The following SPOCK1 variants were observed in gnomAD, a reference collection of about 807,000 sequenced individuals.
SPOCK1 encodes SPARC (osteonectin), cwcv and kazal like domains proteoglycan 1, also known as testican-1.
SPOCK1 carries 23 observed loss-of-function variants against 55.3 expected under a neutral mutation model. The observed-to-expected ratio is 0.42, with a 90% CI of 0.30 to 0.59. The LOEUF (loss-of-function observed/expected upper bound fraction) is 0.59, where lower values mean the gene tolerates loss of function less well. SPOCK1 is among the 20% of genes least tolerant of loss of function. The pLI, the probability that SPOCK1 is intolerant of heterozygous loss-of-function variation, is 0.22. For missense variants in SPOCK1, 499 were observed against 552.5 expected, an observed-to-expected ratio of 0.90 and a Z score of 0.97; for synonymous variants, 226 against 221.0, an observed-to-expected ratio of 1.02 and a Z score of -0.20.
At chr5:137,209,354 C>T (rs1240881957) in intron 3 of SPOCK1, among the ~76,000 whole-genome samples, 4 of 152,184 alleles carry the variant, frequency 2.6e-5, no homozygotes, top group Non-Finnish European at 5.9e-5. Context: ...GAGCCAGCAT[C>T]GCATGACCTG....
chr5:136,997,638 G>A (rs149295947), intron 6 of SPOCK1, among the ~76,000 whole-genome samples: 17 of 152,222 alleles, frequency 1.1e-4, no homozygotes, highest in African/African-American at 2.9e-4. Context: ...CTGCCCCTCC[G>A]ACATGCTCTT....
chr5:137,094,363 T>C (rs1386856817), intron 5 of SPOCK1, among the ~76,000 whole-genome samples: 2 of 152,204 alleles, frequency 1.3e-5, no homozygotes, highest in Non-Finnish European at 2.9e-5. Context: ...TAGTACTTCA[T>C]AAAATTCAAG....
At chr5:137,157,477 T>C (rs904665024) in intron 3 of SPOCK1, among the ~76,000 whole-genome samples, 1 of 152,216 alleles carries the variant, frequency 6.6e-6, no homozygotes. Flanking sequence ...CTTTCAGTCT[T>C]AAGTGTGCCG....
intron 3 of SPOCK1, among the ~76,000 whole-genome samples, chr5:137,189,939 T>C (rs1755146709): frequency 6.6e-6 from 1 of 150,672 alleles, no homozygotes; most frequent in African/African-American, 2.4e-5. Flanking sequence ...GACTTCATAA[T>C]AGGAAGTAAC....
intron 3 of SPOCK1, among the ~76,000 whole-genome samples, chr5:137,240,841 G>A (rs1204068714): frequency 6.6e-6 from 1 of 152,164 alleles, no homozygotes; most frequent in Non-Finnish European, 1.5e-5. Flanking sequence ...AAAATAGTGT[G>A]GGACTGGTAC....
At chr5:137,261,115 TA>T (rs573974632) in intron 3 of SPOCK1, among the ~76,000 whole-genome samples, 1 of 152,084 alleles carries the variant, frequency 6.6e-6, no homozygotes, top group Non-Finnish European at 1.5e-5. Context: ...AACAAATTCT[TA>T]AAAAAACTGA....
At chr5:137,383,037 G>A (rs138858571) in intron 2 of SPOCK1, among the ~76,000 whole-genome samples, 9 of 152,208 alleles carry the variant, frequency 5.9e-5, no homozygotes, top group East Asian at 3.9e-4. Context: ...TCTGTACCTC[G>A]TGCCTCAGAA....
chr5:137,306,719 T>G (rs1457619592), intron 2 of SPOCK1, among the ~76,000 whole-genome samples: 4 of 151,976 alleles, frequency 2.6e-5, no homozygotes, highest in African/African-American at 9.7e-5. Context: ...CTTTTTTTTT[T>G]CAGACCCGAC....
chr5:137,254,034 A>G (rs1031651643), intron 3 of SPOCK1, among the ~76,000 whole-genome samples: 1 of 152,240 alleles, frequency 6.6e-6, no homozygotes, highest in African/African-American at 2.4e-5. Context: ...ATCTGACAGT[A>G]TAATTTTATC....
chr5:137,422,216 C>T (rs1440180835), intron 2 of SPOCK1, among the ~76,000 whole-genome samples: 1 of 152,192 alleles, frequency 6.6e-6, no homozygotes, highest in East Asian at 1.9e-4. Flanking sequence ...CTGCCCTTAA[C>T]ATTTTTTCCT....
chr5:137,057,452 C>T (rs1309277274), intron 6 of SPOCK1, among the ~76,000 whole-genome samples: 3 of 152,150 alleles, frequency 2.0e-5, no homozygotes, highest in Non-Finnish European at 4.4e-5. Context: ...TTATATATTC[C>T]TCAAGTTAAA....
At chr5:137,433,927 A>G (rs1221983592) in intron 2 of SPOCK1, among the ~76,000 whole-genome samples, 2 of 152,246 alleles carry the variant, frequency 1.3e-5, no homozygotes, top group African/African-American at 2.4e-5. Context: ...CATTTTAAGG[A>G]ATTATTTCAA....
At chr5:136,988,269 G>A (rs912016967) in intron 8 of SPOCK1, among the ~76,000 whole-genome samples, 153 bp downstream of exon 8, 3 of 152,268 alleles carry the variant, frequency 2.0e-5, no homozygotes, top group South Asian at 2.1e-4. Flanking sequence ...GAAATAAACT[G>A]GAAGAAATGA....
chr5:136,996,399 T>G (rs1188756733), intron 6 of SPOCK1, among the ~76,000 whole-genome samples: 1 of 152,200 alleles, frequency 6.6e-6, no homozygotes. Flanking sequence ...GGTGCTTTCT[T>G]GGGAGAGGAT....
intron 3 of SPOCK1, among the ~76,000 whole-genome samples, chr5:137,164,900 A>C (rs1754618885): frequency 6.6e-6 from 1 of 152,196 alleles, no homozygotes; most frequent in Non-Finnish European, 1.5e-5. Flanking sequence ...CAGATGCAGT[A>C]AAATAGAACA....
chr5:137,446,836 G>A (rs757802054), intron 2 of SPOCK1, among the ~76,000 whole-genome samples: 28 of 152,072 alleles, frequency 1.8e-4, no homozygotes, highest in Admixed American at 1.5e-3. Flanking sequence ...TCTTGGCAAC[G>A]ACCATCCTAC....
chr5:137,442,685 A>T lies in SPOCK1; in HGVS notation c.186+55688T>A, dbSNP rs148054342. On this transcript the variant is annotated intron_variant, in intron 2 of 10. Coordinates refer to ENST00000394945, the MANE Select transcript of SPOCK1 (RefSeq NM_004598.4). ...TACCTTAGATAAAAACTGATCCACC[A>T]TGTGCACTCAAGGAAGGAAATATTA... Among the ~76,000 whole-genome samples, 13 of 152,344 alleles carry T rather than the reference A, an allele frequency of 8.5e-5. No homozygotes were observed. The East Asian group carries it at 1.3e-3, about 16-fold the overall frequency.
At chr5:137,312,134 T>A (rs2916651) in intron 2 of SPOCK1, among the ~76,000 whole-genome samples, 131,105 of 152,226 alleles carry the variant, frequency 0.86, 56,617 homozygotes, top group African/African-American at 0.92. Flanking sequence ...GAGATCCTAG[T>A]CACATCTCAT....
intron 2 of SPOCK1, among the ~76,000 whole-genome samples, chr5:137,320,149 A>G (rs1176620282): frequency 1.3e-5 from 2 of 152,262 alleles, no homozygotes; most frequent in African/African-American, 4.8e-5. Context: ...CAAAAAGAAG[A>G]GTCCAACTTG....
Sources: allele counts gnomAD v4.1 joint callset (sites outside exome capture counted in the v4.1 genomes callset), GRCh38; gene constraint gnomAD v4.1.1; transcripts MANE v1.5; gene names NCBI Gene and HGNC (gene_info 2026-07-23, HGNC 2026-07-21).